Variants in WNK1 observed in about 807,000 individuals in gnomAD.
The protein encoded by WNK1 is serine/threonine-protein kinase WNK1.
A neutral mutation model predicts 222.8 loss-of-function variants in WNK1; 38 were observed. That is an observed-to-expected ratio of 0.17 (90% CI 0.13 to 0.22). WNK1 has a LOEUF of 0.22. Among genes scored for constraint, WNK1 ranks in the 10% least tolerant of loss-of-function variants. WNK1 has a pLI of 1.00. For synonymous variants in WNK1, 1,090 were observed against 1,092.9 expected (o/e 1.00, Z 0.05); for missense variants, 2,348 against 2,918.4 (o/e 0.80, Z 4.50).
chr12:857,668 T>TA (rs1188158248), intron 5 of WNK1, among the ~76,000 whole-genome samples: 1 of 152,236 alleles, frequency 6.6e-6, no homozygotes, highest in Non-Finnish European at 1.5e-5. Context: ...TTGCCGTCCT[T>TA]ACGCCAGAAT....
chr12:905,323 G>A (rs377244422), intron 26 of WNK1, among the ~76,000 whole-genome samples: 2 of 152,156 alleles, frequency 1.3e-5, no homozygotes, highest in Non-Finnish European at 2.9e-5. Context: ...AAGCCAGAAC[G>A]TGAAGGTTTA....
chr12:883,244 T>A, intron 15 of WNK1, 151 bp from the exon 16 acceptor site: 1 of 1,023,634 alleles, frequency 9.8e-7, no homozygotes, highest in Non-Finnish European at 1.5e-6. Flanking sequence ...TATGTCTAAC[T>A]AGATATTGAA....
At chr12:808,564 G>C (rs1946599735) in intron 1 of WNK1, among the ~76,000 whole-genome samples, 2 of 151,528 alleles carry the variant, frequency 1.3e-5, no homozygotes, top group Admixed American at 6.6e-5. Context: ...TTAACCTAAA[G>C]CTTCCTGTAT....
At chr12:862,369 T>TGA in intron 8 of WNK1, 99 bp downstream of exon 8, 2 of 1,285,794 alleles carry the variant, frequency 1.6e-6, no homozygotes, top group Non-Finnish European at 2.2e-6. Flanking sequence ...AGTATGAGTC[T>TGA]GAAGTAGAAA....
intron 27 of WNK1, 102 bp downstream of exon 27, chr12:908,136 C>T (rs1316499561): frequency 5.7e-6 from 8 of 1,392,278 alleles, no homozygotes; most frequent in African/African-American, 4.3e-5. Flanking sequence ...CGACCTTCTT[C>T]AATTTTAATA....
Position 858,895 on chromosome 12 carries a change from A to C in WNK1, c.1401-350A>C, listed in dbSNP as rs190209499. On this transcript the variant is annotated intron_variant, in intron 5 of 27. Coordinates refer to ENST00000315939, the MANE Select transcript of WNK1 (RefSeq NM_018979.4). ...TTAATAGAGCCAATTGTGTTAGCCC[A>C]CCATTACTAGTATACTATTACTAAT... Among the ~76,000 whole-genome samples, 302 of 152,284 alleles carry C rather than the reference A, an allele frequency of 2.0e-3. 4 individuals carry two copies. The highest frequency in any genetic ancestry group is 7.9e-4 in the Non-Finnish European group (54 of 68,026).
chr12:862,377 A>G (rs939378315), intron 8 of WNK1, 107 bp downstream of exon 8: 3 of 1,199,294 alleles, frequency 2.5e-6, no homozygotes, highest in African/African-American at 1.5e-5. Context: ...TCTGAAGTAG[A>G]AAATATAAAA....
At chr12:789,996 G>A (rs1452088102) in intron 1 of WNK1, among the ~76,000 whole-genome samples, 1 of 152,168 alleles carries the variant, frequency 6.6e-6, no homozygotes, top group Non-Finnish European at 1.5e-5. Flanking sequence ...GATTGGGTTA[G>A]GCCAGTTATG....
At chr12:847,378 A>G (rs978062301) in intron 4 of WNK1, among the ~76,000 whole-genome samples, 1 of 152,178 alleles carries the variant, frequency 6.6e-6, no homozygotes, top group African/African-American at 2.4e-5. Context: ...GTATGTATAT[A>G]TGATTTGAGG....
At chr12:779,080 G>A (rs749368955) in intron 1 of WNK1, among the ~76,000 whole-genome samples, 3 of 152,138 alleles carry the variant, frequency 2.0e-5, no homozygotes, top group East Asian at 1.9e-4. Flanking sequence ...TTGTTTTTAT[G>A]AAGTTCAGTG....
chr12:872,930 C>A (rs771056767), intron 9 of WNK1, among the ~76,000 whole-genome samples: 43 of 152,324 alleles, frequency 2.8e-4, no homozygotes, highest in Middle Eastern at 6.8e-3. Context: ...GCATTCACTC[C>A]GTGAACTGAA....
chr12:817,408 T>G (rs1308776440), intron 2 of WNK1, among the ~76,000 whole-genome samples: 1 of 152,112 alleles, frequency 6.6e-6, no homozygotes, highest in South Asian at 2.1e-4. Flanking sequence ...TGATTGAGAA[T>G]GTATACAGAT....
rs1947581155 is a variant in WNK1 at position 818,632 on chromosome 12, C to G, written c.932+4818C>G. ...ATGCCCGTGGAACAATTTCCCATTTCTCCCAACCCTCAGCTCCTGACAACT... is the reference window on the plus strand; with the variant it reads ...ATGCCCGTGGAACAATTTCCCATTTGTCCCAACCCTCAGCTCCTGACAACT... On this transcript the variant is annotated intron_variant, in intron 2 of 27. Coordinates refer to ENST00000315939, the MANE Select transcript of WNK1 (RefSeq NM_018979.4). Among the ~76,000 whole-genome samples the G allele has an allele frequency of 3.3e-5, 5 of 152,218 alleles. No individual in the cohort carries two copies. The South Asian group carries it at 1.0e-3, about 31-fold the overall frequency.
intron 1 of WNK1, among the ~76,000 whole-genome samples, chr12:784,978 A>C (rs553621638): frequency 1.3e-5 from 2 of 152,312 alleles, no homozygotes; most frequent in African/African-American, 2.4e-5. Context: ...ATTTTCCTTC[A>C]TCTTCCTTTC....
Position 889,162 on chromosome 12 carries a change from T to C in WNK1, c.5387T>C (p.Leu1796Pro), listed in dbSNP as rs766814784. The stretch of plus-strand genomic sequence containing the variant: ...CAGTCCCAGCAACCTCTAGAGGATC[T>C]TGATGCTCAATTGAGAAGAACACTT... Reference protein sequence around the residue: ...LTQSQQPLEDLDAQLRRTLSP... With the variant: ...LTQSQQPLEDPDAQLRRTLSP... Residue 1796 changes from leucine (L) to proline (P), a missense_variant, in exon 21 of 28, where the codon CTT (leucine) becomes CCT (proline). By Grantham distance (98) the Leu-to-Pro change is moderately conservative (BLOSUM62 -3). This residue lies in a region of WNK1 where 1,144 missense variants were observed against 1,273.6 expected (regional missense o/e 0.90). Transcript: ENST00000315939. 4 of 1,614,006 alleles carry C rather than the reference T, an allele frequency of 2.5e-6. No homozygotes were observed. The highest frequency in any genetic ancestry group is 3.3e-5 in the Admixed American group (2 of 60,006).
At chr12:840,054 C>T (rs577116473) in intron 4 of WNK1, among the ~76,000 whole-genome samples, 128 of 151,944 alleles carry the variant, frequency 8.4e-4, no homozygotes, top group Middle Eastern at 3.4e-3. Flanking sequence ...AATGGAGTAG[C>T]AAACTATGCT....
intron 8 of WNK1, among the ~76,000 whole-genome samples, chr12:864,110 G>GTTTTTTTTTTT (rs372936466): frequency 1.9e-4 from 24 of 124,562 alleles, no homozygotes; most frequent in African/African-American, 2.7e-4. Context: ...ATTTTTTTAA[G>GTTTTTTTTTTT]TTTTTTTTTT....
At chr12:856,512 T>TA (rs1356710440) in intron 4 of WNK1, among the ~76,000 whole-genome samples, 1 of 152,152 alleles carries the variant, frequency 6.6e-6, no homozygotes, top group African/African-American at 2.4e-5. Flanking sequence ...TTTAAACTAT[T>TA]ACTGTGATGA....
Position 769,532 on chromosome 12 carries a change from T to C in WNK1, c.759+15208T>C, listed in dbSNP as rs189122561. Among the ~76,000 whole-genome samples the C allele has an allele frequency of 4.6e-5, 7 of 152,292 alleles. No individual in the cohort carries two copies. In the East Asian group the frequency reaches 1.2e-3, roughly 25 times the overall value. ...TGCATCCTTGTTATTAACATGTCCC[T>C]ATCATTTTTTTATGACATCCTTACT... On this transcript the variant is annotated intron_variant, in intron 1 of 27. Coordinates refer to ENST00000315939, the MANE Select transcript of WNK1 (RefSeq NM_018979.4).
Sources: gnomAD v4.1 joint callset for allele counts (sites outside exome capture counted in the v4.1 genomes callset) on GRCh38, gnomAD v4.1.1 for gene constraint, gnomAD v4.1.1 regional missense constraint, MANE v1.5 for transcripts, NCBI Gene and HGNC (gene_info 2026-07-23, HGNC 2026-07-21) for gene names.